The following AAK1 variants were observed in gnomAD, a reference collection of about 807,000 sequenced individuals.
AAK1 encodes AP2-associated protein kinase 1.
A neutral mutation model predicts 116.0 loss-of-function variants in AAK1; 37 were observed. The observed-to-expected ratio is 0.32, with a 90% confidence interval of 0.25 to 0.42. The LOEUF is 0.42. AAK1 is among the 10% of genes least tolerant of loss of function. The pLI is 1.00. For missense variants in AAK1, 919 were observed against 1,170.6 expected, an observed-to-expected ratio of 0.79 and a Z score of 3.14; for synonymous variants, 458 against 439.9, an observed-to-expected ratio of 1.04 and a Z score of -0.51.
At chr2:69,489,205 C>CTTTG (rs1553409267) in intron 17 of AAK1, among the ~76,000 whole-genome samples, 1 of 151,500 alleles carries the variant, frequency 6.6e-6, no homozygotes, top group Non-Finnish European at 1.5e-5. Context: ...AATCCCAGCA[C>CTTTG]TTTGGGAAGC....
At chr2:69,641,938 T>C (rs1245722684) in intron 2 of AAK1, among the ~76,000 whole-genome samples, 2 of 152,062 alleles carry the variant, frequency 1.3e-5, no homozygotes, top group East Asian at 1.9e-4. Context: ...GCCAAGGAAA[T>C]TGCTGCTTTT....
In AAK1 at chr2:69,475,169, C is replaced by T. The variant is rs904567416; in HGVS notation, c.*700G>A. 26 of 985,734 alleles carry T rather than the reference C, an allele frequency of 2.6e-5. No individual in the cohort carries two copies. The highest frequency in any genetic ancestry group is 2.3e-4 in the South Asian group (5 of 21,284). 61.1% of individuals were successfully genotyped at this position (985,734 alleles called of 1,614,324 possible). On this transcript the variant is annotated 3_prime_UTR_variant, in exon 22 of 22. Transcript: ENST00000409085. ...TCACGTCTCCAGATCTGAGAAATCA[C>T]GGTTCAATGGAAGCCAGAAAGCTGG...
Position 69,496,067 on chromosome 2 carries a change from C to T in AAK1, c.2283G>A (p.Lys761=), listed in dbSNP as rs1342689355. Reference sequence around the variant, plus strand: ...GGCCAGAGTCCACAGTCTGCCCACCCTTCCTTTTTTCAGCTGGAGTTAGGT... The same window carrying T: ...GGCCAGAGTCCACAGTCTGCCCACCTTTCCTTTTTTCAGCTGGAGTTAGGT... ...SFSAGTAEKR[K]GGQTVDSGLP... The change falls in exon 17 of 22, where the codon AAG becomes AAA. Residue 761 remains lysine (K), a synonymous_variant. Coordinates refer to ENST00000409085, the MANE Select transcript of AAK1 (RefSeq NM_014911.5). 3 of 1,554,130 alleles carry T rather than the reference C, an allele frequency of 1.9e-6. No individual in the cohort carries two copies. The highest frequency in any genetic ancestry group is 1.4e-5 in the African/African-American group (1 of 73,190).
rs1674792287 is a variant in AAK1, at chr2:69,474,805, G to T, written c.*1064C>A. On this transcript the variant is annotated 3_prime_UTR_variant, in exon 22 of 22. Coordinates refer to ENST00000409085, the MANE Select transcript of AAK1 (RefSeq NM_014911.5). ...TTGTTGTGTAGTTATACAAGGGAAA[G>T]AAATCAAAACCCTGTACAGACACCT... is the stretch of plus-strand genomic sequence containing the variant. 7.1e-6 allele frequency: 7 copies of T among 985,658 alleles called. No homozygotes were observed. In the South Asian group the frequency reaches 2.3e-4, roughly 33 times the overall value. The allele number at this position is 985,658 out of a possible 1,614,324, so 61.1% of individuals were successfully genotyped here.
At chr2:69,498,275 T>C (rs1675829856) in intron 16 of AAK1, among the ~76,000 whole-genome samples, 1 of 152,222 alleles carries the variant, frequency 6.6e-6, no homozygotes, top group Non-Finnish European at 1.5e-5. Context: ...GTCAAAGTGC[T>C]GAGCATGTGT....
rs574489565 is a variant in AAK1 at position 69,584,522 on chromosome 2, TG to T, written c.164-27545del. The stretch of plus-strand genomic sequence containing the variant: ...GGGGTAACTTTTTCTCTTGGTGCCT[TG>T]GTTTCCCAACTTGTTTCAAGTTGGG... On this transcript the variant is annotated intron_variant, in intron 2 of 21. Coordinates refer to ENST00000409085, the MANE Select transcript of AAK1 (RefSeq NM_014911.5). 2.9e-4 allele frequency among the ~76,000 whole-genome samples: 44 copies of T among 152,328 alleles called. 1 individual carries two copies. The South Asian group carries it at 8.5e-3, about 29-fold the overall frequency.
rs1377911955 is a variant in AAK1, at chr2:69,470,414, A to G, written c.*5455T>C. ...TAATTACCATGACCTTCTAGCTCAC[A>G]TAACAAAATTAAGCATTTGGTTCCA... On this transcript the variant is annotated 3_prime_UTR_variant, in exon 22 of 22. Coordinates refer to ENST00000409085, the MANE Select transcript of AAK1 (RefSeq NM_014911.5). The G allele has an allele frequency of 3.0e-6, 3 of 985,354 alleles. No individual in the cohort carries two copies. Among genetic ancestry groups the G allele is most frequent in the Non-Finnish European group, 3.6e-6 (3 of 829,940 alleles). The allele number at this position is 985,354 out of a possible 1,614,324, so 61.0% of individuals were successfully genotyped here.
rs1428804203 is a variant in AAK1 at position 69,473,933 on chromosome 2, A to G, written c.*1936T>C. 8.1e-6 allele frequency: 8 copies of G among 985,456 alleles called. No homozygotes were observed. Among genetic ancestry groups the G allele is most frequent in the Non-Finnish European group, 9.6e-6 (8 of 829,830 alleles). 61.0% of individuals were successfully genotyped at this position (985,456 alleles called of 1,614,324 possible). ...TCCAACCACAGAGAGCCCTTCGTGG[A>G]TATCTTTTGCTTTTTAATCCTCGGC... On this transcript the variant is annotated 3_prime_UTR_variant, in exon 22 of 22. Coordinates refer to ENST00000409085, the MANE Select transcript of AAK1 (RefSeq NM_014911.5).
intron 2 of AAK1, among the ~76,000 whole-genome samples, chr2:69,619,071 C>T (rs542022454): frequency 1.3e-5 from 2 of 152,274 alleles, no homozygotes; most frequent in South Asian, 2.1e-4. Context: ...CCCCTCACAC[C>T]TCCCCAACCT....
chr2:69,582,469 G>C (rs900342521), intron 2 of AAK1, among the ~76,000 whole-genome samples: 12 of 152,176 alleles, frequency 7.9e-5, no homozygotes, highest in Non-Finnish European at 1.6e-4. Context: ...CAGTGGTTTC[G>C]GGGTGGGAGA....
intron 2 of AAK1, among the ~76,000 whole-genome samples, chr2:69,604,784 C>T (rs1368564599): frequency 6.6e-6 from 1 of 152,106 alleles, no homozygotes; most frequent in Non-Finnish European, 1.5e-5. Context: ...GTGCCACACC[C>T]CAACTGCACC....
chr2:69,485,878 C>A (rs961675994), intron 17 of AAK1, among the ~76,000 whole-genome samples: 6 of 151,844 alleles, frequency 4.0e-5, no homozygotes, highest in African/African-American at 1.5e-4. Flanking sequence ...AGGTTGGTCT[C>A]GAACTCCTGA....
chr2:69,476,675 C>T (rs993486418), intron 21 of AAK1, among the ~76,000 whole-genome samples: 1 of 152,164 alleles, frequency 6.6e-6, no homozygotes, highest in African/African-American at 2.4e-5. Flanking sequence ...CTGTTAAAGA[C>T]TTCTCTCTAA....
At chr2:69,576,470 T>C (rs1468694487) in intron 2 of AAK1, among the ~76,000 whole-genome samples, 1 of 152,130 alleles carries the variant, frequency 6.6e-6, no homozygotes, top group Non-Finnish European at 1.5e-5. Flanking sequence ...CCAATAGTTA[T>C]CTTTTCTGCT....
At chr2:69,623,683 T>C (rs1261266069) in intron 2 of AAK1, among the ~76,000 whole-genome samples, 1 of 152,092 alleles carries the variant, frequency 6.6e-6, no homozygotes, top group African/African-American at 2.4e-5. Flanking sequence ...ACCCCACAAC[T>C]CTGAATGGCT....
In AAK1 at chr2:69,621,355, T is replaced by C. The variant is rs557282176; in HGVS notation, c.163+21523A>G. On this transcript the variant is annotated intron_variant, in intron 2 of 21. Coordinates refer to ENST00000409085, the MANE Select transcript of AAK1 (RefSeq NM_014911.5). Reference sequence around the variant, plus strand: ...TTAGCCGGGCTTGGTGGTGTGCACCTGTAGTCCCAGCTACTCGGGAGGCCG... The same window carrying C: ...TTAGCCGGGCTTGGTGGTGTGCACCCGTAGTCCCAGCTACTCGGGAGGCCG... 3.3e-5 allele frequency among the ~76,000 whole-genome samples: 5 copies of C among 152,216 alleles called. No individual in the cohort carries two copies. The South Asian group carries it at 1.0e-3, about 32-fold the overall frequency.
chr2:69,475,928 A>G lies in AAK1; in HGVS notation c.2827T>C (p.Ser943Pro), dbSNP rs1674838977. The change falls in exon 22 of 22, where the codon TCC becomes CCC. Residue 943 changes from serine (S) to proline (P), a missense_variant. Around this residue, in one of 4 missense-constraint regions of AAK1, gnomAD observed 263 missense variants for 285.5 expected, o/e 0.92. Coordinates refer to ENST00000409085, the MANE Select transcript of AAK1 (RefSeq NM_014911.5). The part of the protein sequence containing the change: ...HSRNSSGSSE[S>P]SLPNLARSLL... ...GACCTGGCTAGGTTGGGAAGACTGG[A>G]CTCAGAGCTCCCACTGCTGTTTCTA... is the stretch of plus-strand genomic sequence containing the variant. 1 of 1,612,638 alleles carries G rather than the reference A, an allele frequency of 6.2e-7. No individual in the cohort carries two copies.
intron 2 of AAK1, among the ~76,000 whole-genome samples, chr2:69,580,567 C>T (rs375942688): frequency 9.8e-5 from 15 of 152,332 alleles, no homozygotes; most frequent in African/African-American, 3.6e-4. Context: ...AGAAACACTC[C>T]TGGTGGCCTT....
rs970472465 is a variant in AAK1 at position 69,463,331 on chromosome 2, T to A, written c.*12538A>T. 1 of 152,286 alleles carries A rather than the reference T, an allele frequency of 6.6e-6. No homozygotes were observed. 9.4% of individuals were successfully genotyped at this position (152,286 alleles called of 1,614,324 possible). A position where few individuals can be genotyped will look rare whatever the true frequency, so the allele number is the denominator to read the frequency against. On this transcript the variant is annotated 3_prime_UTR_variant, in exon 22 of 22. Transcript: ENST00000409085. ...GAGTTGAACTGCCTTAGCAGAAATCTTCCCATTGAGATACAGGCTTTATTT... is the reference window on the plus strand; with the variant it reads ...GAGTTGAACTGCCTTAGCAGAAATCATCCCATTGAGATACAGGCTTTATTT...
Sources: gnomAD v4.1 joint callset for allele counts (sites outside exome capture counted in the v4.1 genomes callset) on GRCh38, gnomAD v4.1.1 for gene constraint, gnomAD v4.1.1 regional missense constraint, MANE v1.5 for transcripts, NCBI Gene and HGNC (gene_info 2026-07-23, HGNC 2026-07-21) for gene names.